The following RASAL2 variants were observed in gnomAD, a reference collection of about 807,000 sequenced individuals.
RASAL2 encodes RAS protein activator like 2.
A neutral mutation model predicts 128.9 loss-of-function variants in RASAL2; 58 were observed. The ratio of observed to expected loss-of-function variants is 0.45; its 90% CI spans 0.36 to 0.56. The LOEUF is 0.56. Ranked by LOEUF, RASAL2 falls within the 20% of genes least tolerant of loss-of-function variation. The probability of loss-of-function intolerance (pLI) is 0.00; values close to 1 mark genes in which losing one functional copy is unlikely to be tolerated. For synonymous variants in RASAL2, 561 were observed against 580.8 expected (o/e 0.97, Z 0.49); for missense variants, 1,360 against 1,601.6 (o/e 0.85, Z 2.57).
At position 178,469,544 on chromosome 1, in the gene RASAL2, A is replaced by G. The variant is rs1272872159; in HGVS notation, c.3678+2123A>G. Among the ~76,000 whole-genome samples the G allele has an allele frequency of 2.0e-5, 3 of 152,232 alleles. No individual in the cohort carries two copies. The East Asian group carries it at 5.8e-4, about 29-fold the overall frequency. Reference sequence around the variant, plus strand: ...CTCTGGAAAGTAAGGACTTTCTCTCAGTTAACCAGGAGGGTGTCATGTGTA... The same window carrying G: ...CTCTGGAAAGTAAGGACTTTCTCTCGGTTAACCAGGAGGGTGTCATGTGTA... On this transcript the variant is annotated intron_variant, in intron 17 of 17. Coordinates refer to ENST00000367649, the MANE Select transcript of RASAL2 (RefSeq NM_170692.4).
intron 3 of RASAL2, among the ~76,000 whole-genome samples, chr1:178,360,500 C>G (rs1671049340): frequency 6.6e-6 from 1 of 152,154 alleles, no homozygotes; most frequent in Non-Finnish European, 1.5e-5. Flanking sequence ...TGTTGGAGAT[C>G]CAGCATCCAC....
At position 178,445,580 on chromosome 1, in the gene RASAL2, C is replaced by G; in HGVS notation, c.1545C>G (p.Ile515Met). ...GTTGTGGAGAGCATGATGTCTTGAT[C>G]TTCAGAGAGAACACTATTGCCACCA... Reference protein sequence around the residue: ...VDRCGEHDVLIFRENTIATKS... With the variant: ...VDRCGEHDVLMFRENTIATKS... Residue 515 changes from isoleucine (I) to methionine (M), a missense_variant, in exon 9 of 18, where the codon ATC becomes ATG. Ile to Met is a conservative substitution (Grantham distance 10). Transcript: ENST00000367649. 1 of 1,613,890 alleles carries G rather than the reference C, an allele frequency of 6.2e-7. No individual in the cohort carries two copies. Among genetic ancestry groups the G allele is most frequent in the African/African-American group, 1.3e-5 (1 of 75,022 alleles).
At position 178,458,545 on chromosome 1, in the gene RASAL2, G is replaced by T. The variant is rs766955701; in HGVS notation, c.3252+1G>T. ...AATCCAGAGACAACAGACACAGCAG[G>T]TAGGTGTGAGTGCTGAAGGGGCCTG... On this transcript the variant is annotated splice_donor_variant, in intron 14 of 17. Transcript: ENST00000367649. LOFTEE classifies it high-confidence loss of function. 2 of 1,600,688 alleles carry T rather than the reference G, an allele frequency of 1.2e-6. No homozygotes were observed. The highest frequency in any genetic ancestry group is 1.1e-5 in the South Asian group (1 of 88,640).
At chr1:178,375,398 C>G (rs1005296033) in intron 3 of RASAL2, among the ~76,000 whole-genome samples, 13 of 152,166 alleles carry the variant, frequency 8.5e-5, no homozygotes, top group African/African-American at 2.6e-4. Flanking sequence ...AAGATATGAT[C>G]AAAATAGTTT....
chr1:178,160,524 A>G (rs1309153893), intron 1 of RASAL2, among the ~76,000 whole-genome samples: 2 of 152,172 alleles, frequency 1.3e-5, no homozygotes, highest in South Asian at 4.1e-4. Context: ...AATCCCAGCT[A>G]CTTGGGAGGC....
At chr1:178,279,139 TA>T (rs774388560) in intron 1 of RASAL2, among the ~76,000 whole-genome samples, 80 of 152,234 alleles carry the variant, frequency 5.3e-4, no homozygotes, top group Non-Finnish European at 9.7e-4. Flanking sequence ...ATACTTCAAA[TA>T]AGCTTCCCTT....
At chr1:178,218,452 C>T (rs1571648236) in intron 1 of RASAL2, among the ~76,000 whole-genome samples, 1 of 152,006 alleles carries the variant, frequency 6.6e-6, no homozygotes, top group African/African-American at 2.4e-5. Context: ...TTTGGAAGGC[C>T]GAGGCGGGCG....
At chr1:178,187,406 C>G (rs1271790319) in intron 1 of RASAL2, among the ~76,000 whole-genome samples, 1 of 152,120 alleles carries the variant, frequency 6.6e-6, no homozygotes, top group Non-Finnish European at 1.5e-5. Flanking sequence ...TCTTTCACTT[C>G]TCTCCTTGTT....
intron 3 of RASAL2, among the ~76,000 whole-genome samples, chr1:178,358,615 T>C (rs749529104): frequency 2.8e-4 from 42 of 152,214 alleles, no homozygotes; most frequent in Non-Finnish European, 5.7e-4. Context: ...CCATCTTATC[T>C]TCATTCCATG....
intron 2 of RASAL2, among the ~76,000 whole-genome samples, chr1:178,294,611 C>A (rs1490470598): frequency 6.6e-6 from 1 of 152,202 alleles, no homozygotes; most frequent in African/African-American, 2.4e-5. Flanking sequence ...ATCTGTCTAT[C>A]TGTCTGTCCA....
intron 1 of RASAL2, among the ~76,000 whole-genome samples, chr1:178,279,778 T>TA (rs1328887723): frequency 6.6e-6 from 1 of 152,098 alleles, no homozygotes; most frequent in African/African-American, 2.4e-5. Flanking sequence ...AAGCAAAAAT[T>TA]AGAATGTTAG....
Position 178,449,275 on chromosome 1 carries a change from T to A in RASAL2, c.1628-2296T>A, listed in dbSNP as rs149651870. Among the ~76,000 whole-genome samples, 411 of 152,248 alleles carry A rather than the reference T, an allele frequency of 2.7e-3. 4 individuals are homozygous for A. Among genetic ancestry groups the A allele is most frequent in the African/African-American group, 9.6e-3 (398 of 41,572 alleles). On this transcript the variant is annotated intron_variant, in intron 9 of 17. Coordinates refer to ENST00000367649, the MANE Select transcript of RASAL2 (RefSeq NM_170692.4). The stretch of plus-strand genomic sequence containing the variant: ...TCCATCTATTATCCCATTTTACCTT[T>A]CCAATTGAAATCAGATTGCACCTTG...
chr1:178,374,227 G>A (rs920688601), intron 3 of RASAL2, among the ~76,000 whole-genome samples: 4 of 152,130 alleles, frequency 2.6e-5, no homozygotes, highest in Non-Finnish European at 5.9e-5. Flanking sequence ...GTGATAGTTC[G>A]AGGATTAAGT....
intron 3 of RASAL2, among the ~76,000 whole-genome samples, chr1:178,347,186 G>C (rs778960890): frequency 1.1e-4 from 17 of 152,176 alleles, no homozygotes; most frequent in Non-Finnish European, 1.6e-4. Context: ...AGCTTGAAGG[G>C]TGTGACTATT....
chr1:178,424,311 C>T (rs1191159907), intron 5 of RASAL2, among the ~76,000 whole-genome samples: 3 of 151,202 alleles, frequency 2.0e-5, no homozygotes, highest in Non-Finnish European at 4.4e-5. Flanking sequence ...GGCACAATCT[C>T]GGCTCATTGC....
At chr1:178,170,717 T>C (rs977338206) in intron 1 of RASAL2, among the ~76,000 whole-genome samples, 2 of 151,698 alleles carry the variant, frequency 1.3e-5, no homozygotes, top group African/African-American at 4.8e-5. Flanking sequence ...CTCTTATCTA[T>C]CTATAACTCT....
intron 2 of RASAL2, among the ~76,000 whole-genome samples, chr1:178,293,363 G>A (rs1443049076): frequency 6.6e-6 from 1 of 152,200 alleles, no homozygotes; most frequent in Non-Finnish European, 1.5e-5. Flanking sequence ...AATAAAAGAA[G>A]CAATTTGATC....
At chr1:178,221,306 C>T (rs998653156) in intron 1 of RASAL2, among the ~76,000 whole-genome samples, 6 of 152,036 alleles carry the variant, frequency 3.9e-5, no homozygotes, top group African/African-American at 7.2e-5. Flanking sequence ...ATTCTACTTA[C>T]GTTGTATTTA....
At chr1:178,409,044 A>T (rs1674182490) in intron 4 of RASAL2, among the ~76,000 whole-genome samples, 1 of 152,184 alleles carries the variant, frequency 6.6e-6, no homozygotes, top group South Asian at 2.1e-4. Flanking sequence ...ATTTACAGTT[A>T]TAGCGGAAGG....
Sources: allele counts gnomAD v4.1 joint callset (sites outside exome capture counted in the v4.1 genomes callset), GRCh38; gene constraint gnomAD v4.1.1; transcripts MANE v1.5; gene names NCBI Gene and HGNC (gene_info 2026-07-23, HGNC 2026-07-21).